PCDHA2: variants seen among roughly 807,000 people sequenced by gnomAD.
PCDHA2 encodes the protein protocadherin alpha-2.
Under a neutral mutation model 66.0 loss-of-function variants are expected in PCDHA2, and 58 were observed. That is an observed-to-expected ratio of 0.88 (90% CI 0.71 to 1.09). The LOEUF is 1.09. Ranked by LOEUF, PCDHA2 falls within the 50% of genes least tolerant of loss-of-function variation. The pLI is 0.00. For synonymous variants in PCDHA2, 634 were observed against 554.0 expected, an observed-to-expected ratio of 1.14 and a Z score of -2.03; for missense variants, 1,267 against 1,242.3, an observed-to-expected ratio of 1.02 and a Z score of -0.30.
intron 3 of PCDHA2, among the ~76,000 whole-genome samples, chr5:140,999,091 T>A (rs1342614556): frequency 2.0e-5 from 3 of 152,208 alleles, no homozygotes; most frequent in African/African-American, 7.2e-5. Flanking sequence ...TTCAGAGGGC[T>A]ATGGAGAGTA....
At chr5:140,856,766 A>G in intron 1 of PCDHA2, 1 of 1,596,904 alleles carries the variant, frequency 6.3e-7, no homozygotes, top group South Asian at 1.1e-5. Flanking sequence ...TAACGCCCCT[A>G]TCTTTGACAG....
Position 140,814,177 on chromosome 5 carries a change from T to C in PCDHA2, c.2388+16825T>C, listed in dbSNP as rs2126652611. On this transcript the variant is annotated intron_variant, in intron 1 of 3. Coordinates refer to ENST00000526136, the MANE Select transcript of PCDHA2 (RefSeq NM_018905.3). ...TATATCCTTATTTTACAAGTTTTTT[T>C]GACTTTTAATTTTTTTATTTTTTTC... 1.3e-5 allele frequency: 2 copies of C among 152,850 alleles called. 1 individual carries two copies. The highest frequency in any genetic ancestry group is 4.1e-4 in the South Asian group (2 of 4,892). 9.5% of individuals were successfully genotyped at this position (152,850 alleles called of 1,614,324 possible).
At chr5:140,884,533 G>T in intron 1 of PCDHA2, 1 of 1,614,082 alleles carries the variant, frequency 6.2e-7, no homozygotes, top group Non-Finnish European at 8.5e-7. Flanking sequence ...AGCAGAGGCG[G>T]CCGAGGGTGT....
rs2150116871 is a variant in PCDHA2, at chr5:140,822,504, A to G, written c.2388+25152A>G. On this transcript the variant is annotated intron_variant, in intron 1 of 3. Transcript: ENST00000526136. ...ATGATAACGCCCCAGAATTTGATAA[A>G]TCCATTTATAATGTCAGATTGTTGG... 4 of 1,613,934 alleles carry G rather than the reference A, an allele frequency of 2.5e-6. No individual in the cohort carries two copies. The South Asian group carries it at 4.4e-5, about 18-fold the overall frequency.
chr5:140,976,413 C>T (rs560298731), intron 1 of PCDHA2, among the ~76,000 whole-genome samples: 2 of 151,978 alleles, frequency 1.3e-5, no homozygotes, highest in African/African-American at 4.8e-5. Flanking sequence ...TAGCCAGGTA[C>T]GGTGGCAGAT....
chr5:140,849,764 G>A, intron 1 of PCDHA2: 1 of 1,598,518 alleles, frequency 6.3e-7, no homozygotes, highest in South Asian at 1.1e-5. Context: ...CCTACGAGCT[G>A]GTGGTTACCG....
chr5:140,822,151 A>T, intron 1 of PCDHA2: 3 of 1,614,248 alleles, frequency 1.9e-6, no homozygotes, highest in Non-Finnish European at 2.5e-6. Flanking sequence ...GAAGGACATC[A>T]ATGACAATCC....
intron 1 of PCDHA2, chr5:140,884,580 C>G: frequency 6.2e-7 from 1 of 1,614,150 alleles, no homozygotes; most frequent in Non-Finnish European, 8.5e-7. Context: ...GACCTCATGG[C>G]CTTCAGTCCC....
intron 1 of PCDHA2, among the ~76,000 whole-genome samples, chr5:140,886,827 GAAAAAAAAAA>G (rs782016620): frequency 1.6e-5 from 1 of 60,890 alleles, no homozygotes; most frequent in East Asian, 5.7e-4. Flanking sequence ...ACTTCGTCTT[GAAAAAAAAAA>G]AAAAAAAAAA....
At position 140,853,959 on chromosome 5, in the gene PCDHA2, G is replaced by A. The variant is rs2042923125; in HGVS notation, c.2388+56607G>A. 2.7e-6 allele frequency: 2 copies of A among 736,852 alleles called. 1 individual carries two copies. The highest frequency in any genetic ancestry group is 3.4e-6 in the Non-Finnish European group (2 of 589,618). The allele number at this position is 736,852 out of a possible 1,614,324, so 45.6% of individuals were successfully genotyped here. On this transcript the variant is annotated intron_variant, in intron 1 of 3. Transcript: ENST00000526136. ...CAAGGTGGGAGGGTCCCTTCCTTGA[G>A]CCCAGCAGTTTGAGACCAATGTAGT...
chr5:140,965,401 A>C (rs546046699), intron 1 of PCDHA2, among the ~76,000 whole-genome samples: 1 of 152,166 alleles, frequency 6.6e-6, no homozygotes, highest in Non-Finnish European at 1.5e-5. Flanking sequence ...AAGTCTAAGG[A>C]GTCTTATATT....
intron 1 of PCDHA2, chr5:140,884,631 A>G: frequency 2.5e-6 from 4 of 1,612,580 alleles, no homozygotes; most frequent in Non-Finnish European, 3.4e-6. Flanking sequence ...GGAACAGGCC[A>G]GAGGGAGGAG....
intron 1 of PCDHA2, among the ~76,000 whole-genome samples, chr5:140,908,466 C>T (rs2073988233): frequency 6.6e-6 from 1 of 152,134 alleles, no homozygotes. Flanking sequence ...TCAGAAAGCA[C>T]CCAGTTCATG....
At position 140,887,505 on chromosome 5, in the gene PCDHA2, T is replaced by G. The variant is rs185975578; in HGVS notation, c.2388+90153T>G. On this transcript the variant is annotated intron_variant, in intron 1 of 3. Transcript: ENST00000526136. ...GGCTTGCATAGTTTCTAATAAGATG[T>G]TTGCTTTTTTATATATGAGTCTTCC... Among the ~76,000 whole-genome samples, 465 of 152,304 alleles carry G rather than the reference T, an allele frequency of 3.1e-3. 3 individuals carry two copies. The highest frequency in any genetic ancestry group is 0.014 in the Middle Eastern group (4 of 294).
chr5:140,824,247 C>A (rs1379279128), intron 1 of PCDHA2: 2 of 1,431,764 alleles, frequency 1.4e-6, no homozygotes, highest in South Asian at 1.2e-5. Flanking sequence ...TTGTGGTACA[C>A]AATTATTGCA....
intron 1 of PCDHA2, chr5:140,809,138 G>C (rs1581700225): frequency 6.2e-7 from 1 of 1,613,930 alleles, no homozygotes; most frequent in African/African-American, 1.3e-5. Context: ...ACTGGTACTG[G>C]TGAAGGACCA....
intron 1 of PCDHA2, chr5:140,828,881 C>T: frequency 6.2e-7 from 1 of 1,614,208 alleles, no homozygotes; most frequent in African/African-American, 1.3e-5. Context: ...AGTTATCAGA[C>T]TGAATGCTTC....
intron 1 of PCDHA2, among the ~76,000 whole-genome samples, chr5:140,899,359 T>C (rs1247414230): frequency 6.6e-6 from 1 of 152,116 alleles, no homozygotes; most frequent in Non-Finnish European, 1.5e-5. Context: ...TTTTGAGATA[T>C]GTCCCATCAA....
chr5:140,807,682 C>A (rs782331104), intron 1 of PCDHA2: 12 of 1,614,106 alleles, frequency 7.4e-6, no homozygotes, highest in South Asian at 2.2e-5. Flanking sequence ...TCGGGGAGAA[C>A]GCCCTGCTCA....
Sources: allele counts gnomAD v4.1 joint callset (sites outside exome capture counted in the v4.1 genomes callset), GRCh38; gene constraint gnomAD v4.1.1; transcripts MANE v1.5; gene names NCBI Gene and HGNC (gene_info 2026-07-23, HGNC 2026-07-21).